WDR7: variants seen among roughly 807,000 people sequenced by gnomAD.
WDR7 encodes WD repeat-containing protein 7.
A neutral mutation model predicts 169.4 loss-of-function variants in WDR7; 46 were observed. The ratio of observed to expected loss-of-function variants is 0.27; its 90% confidence interval spans 0.21 to 0.35. The LOEUF (loss-of-function observed/expected upper bound fraction) is 0.35, where lower values mean the gene tolerates loss of function less well. WDR7 is among the 10% of genes least tolerant of loss of function. The pLI, the probability that WDR7 is intolerant of heterozygous loss-of-function variation, is 1.00. For missense variants in WDR7, 1,534 were observed against 1,859.3 expected (o/e 0.83, Z 3.22); for synonymous variants, 612 against 666.8 (o/e 0.92, Z 1.27).
At chr18:56,691,686 A>T (rs1330387781) in intron 8 of WDR7, 29 bp from the exon 9 acceptor site, 2 of 1,573,120 alleles carry the variant, frequency 1.3e-6, no homozygotes, top group Non-Finnish European at 1.7e-6. Context: ...CAGTATTTTA[A>T]TTGAATATTG....
At chr18:56,917,889 T>G (rs2046651085) in intron 21 of WDR7, among the ~76,000 whole-genome samples, 2 of 152,186 alleles carry the variant, frequency 1.3e-5, no homozygotes, top group African/African-American at 4.8e-5. Context: ...TTGGGACTCT[T>G]AAGAAATGTA....
intron 12 of WDR7, among the ~76,000 whole-genome samples, chr18:56,714,078 C>T (rs1279442763): frequency 6.6e-6 from 1 of 152,158 alleles, no homozygotes; most frequent in Non-Finnish European, 1.5e-5. Context: ...TTCACACAGG[C>T]TGCAAAGGTA....
chr18:56,952,921 G>C (rs910908992), intron 25 of WDR7, among the ~76,000 whole-genome samples: 17 of 152,186 alleles, frequency 1.1e-4, no homozygotes, highest in Admixed American at 1.3e-4. Flanking sequence ...AAAGATTAGT[G>C]GTTGCCAGAG....
intron 12 of WDR7, among the ~76,000 whole-genome samples, chr18:56,707,747 A>G (rs534147844): frequency 6.6e-6 from 1 of 152,236 alleles, no homozygotes; most frequent in Non-Finnish European, 1.5e-5. Context: ...TAGGCACAGC[A>G]TTCTTGCCAG....
chr18:56,939,433 C>T, intron 25 of WDR7, 40 bp downstream of exon 25: 3 of 1,452,080 alleles, frequency 2.1e-6, no homozygotes, highest in Non-Finnish European at 2.8e-6. Context: ...AAATAATTTT[C>T]AGTAACAAAT....
chr18:56,666,220 T>TTTTC (rs2025019690), intron 1 of WDR7, among the ~76,000 whole-genome samples: 1 of 149,156 alleles, frequency 6.7e-6, no homozygotes, highest in Non-Finnish European at 1.5e-5. Flanking sequence ...TTTTTTTTTT[T>TTTTC]GAGCCGCAGT....
chr18:56,974,298 C>G (rs745346576), intron 26 of WDR7, among the ~76,000 whole-genome samples: 2 of 151,814 alleles, frequency 1.3e-5, no homozygotes, highest in South Asian at 4.2e-4. Context: ...CACATCTTGC[C>G]TTGTCTTGTC....
At chr18:56,702,978 G>A (rs547478034) in intron 12 of WDR7, among the ~76,000 whole-genome samples, 1 of 152,300 alleles carries the variant, frequency 6.6e-6, no homozygotes, top group African/African-American at 2.4e-5. Context: ...TAGTACCAGT[G>A]ATATGTTTCT....
chr18:56,938,360 C>T (rs1488941684), intron 23 of WDR7, among the ~76,000 whole-genome samples, 173 bp from the exon 24 acceptor site: 5 of 152,092 alleles, frequency 3.3e-5, no homozygotes, highest in African/African-American at 1.2e-4. Context: ...TAGGCAATAC[C>T]TATTGAGTTT....
At chr18:56,935,696 C>T in intron 22 of WDR7, 92 bp from the exon 23 acceptor site, 1 of 1,252,260 alleles carries the variant, frequency 8.0e-7, no homozygotes, top group Non-Finnish European at 1.2e-6. Context: ...TCCCATTGAC[C>T]TTGAACTGAC....
intron 14 of WDR7, among the ~76,000 whole-genome samples, chr18:56,739,939 T>G (rs953182036): frequency 1.3e-5 from 2 of 151,902 alleles, no homozygotes; most frequent in Admixed American, 1.3e-4. Context: ...TCTGTAGGTT[T>G]GTGTCTTTCA....
intron 25 of WDR7, among the ~76,000 whole-genome samples, chr18:56,947,382 A>G (rs1225192108): frequency 6.6e-6 from 1 of 152,180 alleles, no homozygotes; most frequent in African/African-American, 2.4e-5. Context: ...AGCACTCTAG[A>G]TAATTATTGT....
rs142497838 is a variant in WDR7, at chr18:56,903,399, A to T, written c.3527-20523A>T. Among the ~76,000 whole-genome samples the T allele has an allele frequency of 3.8e-3, 580 of 151,970 alleles. 3 individuals carry two copies. Among genetic ancestry groups the T allele is most frequent in the African/African-American group, 0.013 (544 of 41,480 alleles). On this transcript the variant is annotated intron_variant, in intron 21 of 27. Transcript: ENST00000254442. Reference sequence around the variant, plus strand: ...TAGCCAATTGGTATATTTGTTTTTCATTTTATTTTTATTATTTATTTATTT... The same window carrying T: ...TAGCCAATTGGTATATTTGTTTTTCTTTTTATTTTTATTATTTATTTATTT...
At chr18:56,721,113 T>A (rs995702925) in intron 13 of WDR7, among the ~76,000 whole-genome samples, 1 of 152,148 alleles carries the variant, frequency 6.6e-6, no homozygotes, top group African/African-American at 2.4e-5. Context: ...ATGAAATGTA[T>A]TTAAACTCTG....
At chr18:56,832,677 A>T (rs1019110671) in intron 20 of WDR7, among the ~76,000 whole-genome samples, 1 of 152,176 alleles carries the variant, frequency 6.6e-6, no homozygotes, top group Admixed American at 6.5e-5. Flanking sequence ...TGCAGTCTCC[A>T]CTGGTGATAC....
chr18:56,701,181 T>A (rs577672080), intron 12 of WDR7, among the ~76,000 whole-genome samples: 1 of 152,282 alleles, frequency 6.6e-6, no homozygotes, highest in East Asian at 1.9e-4. Flanking sequence ...AAATCACAAA[T>A]GTTTTGGTGA....
chr18:56,966,237 G>A (rs766167034), intron 26 of WDR7, among the ~76,000 whole-genome samples: 1 of 152,092 alleles, frequency 6.6e-6, no homozygotes, highest in Non-Finnish European at 1.5e-5. Context: ...TGGACTGTGT[G>A]GGTTCACCTA....
At chr18:56,801,081 C>A (rs2044666004) in intron 19 of WDR7, among the ~76,000 whole-genome samples, 1 of 152,134 alleles carries the variant, frequency 6.6e-6, no homozygotes, top group South Asian at 2.1e-4. Flanking sequence ...TGATATTTCT[C>A]ATTTTCATCC....
Position 56,880,128 on chromosome 18 carries a change from T to C in WDR7, c.3489T>C (p.Thr1163=), listed in dbSNP as rs1158813096. The C allele has an allele frequency of 1.9e-6, 3 of 1,614,070 alleles. No homozygotes were observed. The highest frequency in any genetic ancestry group is 2.2e-5 in the South Asian group (2 of 91,070). Residue 1163 remains threonine, a synonymous_variant, in exon 21 of 28, where the codon ACT becomes ACC. Transcript: ENST00000254442. ...AAATTCCTGAGGGATTCGGGTTGACTAGTGGTGGATCCAACTACTCGCTGG... is the reference window on the plus strand; with the variant it reads ...AAATTCCTGAGGGATTCGGGTTGACCAGTGGTGGATCCAACTACTCGCTGG... ...SSQIPEGFGL[T]SGGSNYSLAR...
Sources: allele counts gnomAD v4.1 joint callset (sites outside exome capture counted in the v4.1 genomes callset), GRCh38; gene constraint gnomAD v4.1.1; transcripts MANE v1.5; gene names NCBI Gene and HGNC (gene_info 2026-07-23, HGNC 2026-07-21).